Variants in AGBL4 observed in about 807,000 individuals in gnomAD.
AGBL4 encodes AGBL carboxypeptidase 4.
A neutral mutation model predicts 66.4 loss-of-function variants in AGBL4; 58 were observed. That is an observed-to-expected ratio of 0.87 (90% confidence interval 0.71 to 1.09). The LOEUF is 1.09. AGBL4 is among the 50% of genes least tolerant of loss of function. The pLI is 0.00. For missense variants in AGBL4, 579 were observed against 631.0 expected (o/e 0.92, Z 0.88); for synonymous variants, 234 against 222.9 (o/e 1.05, Z -0.44).
intron 4 of AGBL4, among the ~76,000 whole-genome samples, chr1:49,123,417 GA>G (rs1376867319): frequency 1.3e-5 from 2 of 152,100 alleles, no homozygotes; most frequent in Non-Finnish European, 2.9e-5. Context: ...TCAGTTGAGA[GA>G]AAAAATACAC....
intron 1 of AGBL4, among the ~76,000 whole-genome samples, chr1:50,002,576 A>C (rs1660844324): frequency 6.6e-6 from 1 of 151,438 alleles, no homozygotes; most frequent in South Asian, 2.1e-4. Flanking sequence ...TCACCGTGTT[A>C]GCCAGGATGG....
intron 1 of AGBL4, among the ~76,000 whole-genome samples, chr1:49,943,742 G>C (rs1654975823): frequency 6.6e-6 from 1 of 151,160 alleles, no homozygotes; most frequent in South Asian, 2.1e-4. Context: ...AAAACCTCCA[G>C]CAGAACTTTG....
rs11205587 is a variant in AGBL4 at position 49,013,075 on chromosome 1, C to T, written c.594+32509G>A. Among the ~76,000 whole-genome samples the T allele has an allele frequency of 2.1e-3, 315 of 152,308 alleles. 5 individuals carry two copies. Among genetic ancestry groups the T allele is most frequent in the African/African-American group, 7.0e-3 (292 of 41,576 alleles). On this transcript the variant is annotated intron_variant, in intron 5 of 13. Transcript: ENST00000371839. ...AAGCTGAGCAGATGCTGGTGCCATGCCCCTGGGCTTCCCAGCCTCCAAAAC... is the reference window on the plus strand; with the variant it reads ...AAGCTGAGCAGATGCTGGTGCCATGTCCCTGGGCTTCCCAGCCTCCAAAAC...
chr1:49,299,090 T>C (rs146053064), intron 3 of AGBL4, among the ~76,000 whole-genome samples: 117 of 152,216 alleles, frequency 7.7e-4, no homozygotes, highest in Non-Finnish European at 1.2e-3. Flanking sequence ...TTTTCTAGTT[T>C]AATCCTAAAA....
chr1:49,158,799 G>T (rs1371057501), intron 4 of AGBL4, among the ~76,000 whole-genome samples: 1 of 151,376 alleles, frequency 6.6e-6, no homozygotes, highest in Admixed American at 6.6e-5. Context: ...TCTTGTTGCA[G>T]ATCCCTTTAC....
At chr1:49,551,681 C>T (rs1652965799) in intron 3 of AGBL4, among the ~76,000 whole-genome samples, 2 of 152,210 alleles carry the variant, frequency 1.3e-5, no homozygotes, top group African/African-American at 4.8e-5. Flanking sequence ...ACACCATCAC[C>T]TGTTCCAGTG....
chr1:49,586,897 G>C (rs1227927472), intron 3 of AGBL4, among the ~76,000 whole-genome samples: 1 of 152,060 alleles, frequency 6.6e-6, no homozygotes, highest in Non-Finnish European at 1.5e-5. Flanking sequence ...GACTCATCTA[G>C]TTCTGTCTAA....
rs531742086 is a variant in AGBL4, at chr1:49,562,433, T to C, written c.282+134880A>G. ...CCTAGGTTTTCTTCTAGGGTTTTTA[T>C]GGTTTGAGGTCTAACATGTAAGTCT... On this transcript the variant is annotated intron_variant, in intron 3 of 13. Transcript: ENST00000371839. 6.5e-4 allele frequency among the ~76,000 whole-genome samples: 99 copies of C among 152,310 alleles called. 3 individuals carry two copies. In the South Asian group the frequency reaches 0.019, roughly 29 times the overall value.
rs1570899870 is a variant in AGBL4, at chr1:49,505,467, T to G, written c.282+191846A>C. Among the ~76,000 whole-genome samples the G allele has an allele frequency of 2.0e-5, 3 of 152,196 alleles. 1 individual carries two copies. Among genetic ancestry groups the G allele is most frequent in the Admixed American group, 2.0e-4 (3 of 15,274 alleles). ...TGTCTAGGAAAGTGTTTATCTCTCT[T>G]TCATTTCTGAAGGATAGCTTTGTCA... On this transcript the variant is annotated intron_variant, in intron 3 of 13. Transcript: ENST00000371839.
intron 3 of AGBL4, among the ~76,000 whole-genome samples, chr1:49,262,953 C>T (rs1653353675): frequency 2.0e-5 from 3 of 152,162 alleles, no homozygotes; most frequent in Admixed American, 2.0e-4. Context: ...GGCACATATA[C>T]ACCATGGAAT....
rs1284917533 is a variant in AGBL4 at position 48,831,002 on chromosome 1, G to A, written c.634+36189C>T. On this transcript the variant is annotated intron_variant, in intron 6 of 13. Coordinates refer to ENST00000371839, the MANE Select transcript of AGBL4 (RefSeq NM_032785.4). ...GAGAAAACCCAAATGGTTATATAAT[G>A]TCAGGTAGCAATGAGACCTGTGAAG... 3.9e-5 allele frequency among the ~76,000 whole-genome samples: 6 copies of A among 152,190 alleles called. No homozygotes were observed. The South Asian group carries it at 1.0e-3, about 26-fold the overall frequency.
At chr1:49,967,907 C>T (rs1167227536) in intron 1 of AGBL4, among the ~76,000 whole-genome samples, 1 of 151,864 alleles carries the variant, frequency 6.6e-6, no homozygotes, top group African/African-American at 2.4e-5. Context: ...TTTTCAAGAA[C>T]ATGGGATATA....
intron 3 of AGBL4, among the ~76,000 whole-genome samples, chr1:49,544,371 G>T (rs1177142294): frequency 1.3e-5 from 2 of 152,090 alleles, no homozygotes; most frequent in African/African-American, 4.8e-5. Context: ...AGTAAAATAG[G>T]AGTCCTTATT....
intron 5 of AGBL4, among the ~76,000 whole-genome samples, chr1:48,997,318 T>C (rs910322603): frequency 6.6e-6 from 1 of 152,124 alleles, no homozygotes; most frequent in Admixed American, 6.6e-5. Flanking sequence ...TAGAGAGGAA[T>C]AAGGACATGT....
chr1:49,017,187 A>G (rs889919675), intron 5 of AGBL4, among the ~76,000 whole-genome samples: 2 of 152,218 alleles, frequency 1.3e-5, no homozygotes, highest in African/African-American at 4.8e-5. Flanking sequence ...ATGTACTAGT[A>G]TGTACTACGG....
chr1:49,823,967 T>C (rs1382676025), intron 2 of AGBL4, among the ~76,000 whole-genome samples: 1 of 151,876 alleles, frequency 6.6e-6, no homozygotes, highest in Non-Finnish European at 1.5e-5. Context: ...TCCCAGCACT[T>C]TGGGAGGTCG....
intron 4 of AGBL4, among the ~76,000 whole-genome samples, chr1:49,218,592 T>C (rs980337244): frequency 2.0e-5 from 3 of 152,126 alleles, no homozygotes; most frequent in African/African-American, 7.2e-5. Context: ...GTCTTTATAT[T>C]GTCTCACAAC....
intron 2 of AGBL4, among the ~76,000 whole-genome samples, chr1:49,796,223 A>G (rs1282697932): frequency 6.6e-6 from 1 of 151,914 alleles, no homozygotes. Flanking sequence ...ATTTTCCTAC[A>G]GTGTTTGTAG....
chr1:49,399,224 T>G (rs1371148125), intron 3 of AGBL4, among the ~76,000 whole-genome samples: 1 of 152,216 alleles, frequency 6.6e-6, no homozygotes, highest in Non-Finnish European at 1.5e-5. Context: ...ATGTATCACA[T>G]TTTCTTTATC....
Sources: allele counts gnomAD v4.1 joint callset (sites outside exome capture counted in the v4.1 genomes callset), GRCh38; gene constraint gnomAD v4.1.1; transcripts MANE v1.5; gene names NCBI Gene and HGNC (gene_info 2026-07-23, HGNC 2026-07-21).